The following ZFHX4 variants were observed in gnomAD, a reference collection of about 807,000 sequenced individuals.
ZFHX4 encodes the protein zinc finger homeobox 4, also known as zinc finger homeobox protein 4.
Under a neutral mutation model 267.6 loss-of-function variants are expected in ZFHX4, and 56 were observed. That is an observed-to-expected ratio of 0.21 (90% CI 0.17 to 0.26). ZFHX4 has a LOEUF of 0.26. ZFHX4 is among the 10% of genes least tolerant of loss of function. ZFHX4 has a pLI of 1.00. For missense variants in ZFHX4, 4,332 were observed against 4,420.0 expected (o/e 0.98, Z 0.56); for synonymous variants, 1,778 against 1,665.6 (o/e 1.07, Z -1.64).
rs1425622545 is a variant in ZFHX4, at chr8:76,852,792, T to A, written c.5871T>A (p.Asn1957Lys). The A allele has an allele frequency of 6.2e-7, 1 of 1,613,544 alleles. No individual in the cohort carries two copies. ...ECGTCGKLFS[N>K]VLILKSHQEH... Reference sequence around the variant, plus strand: ...GAACATGTGGTAAATTGTTTTCCAATGTTCTTATTTTAAAGAGTCACCAAG... The same window carrying A: ...GAACATGTGGTAAATTGTTTTCCAAAGTTCTTATTTTAAAGAGTCACCAAG... The change falls in exon 10 of 11, where the codon AAT (asparagine) becomes AAA (lysine). Residue 1957 changes from asparagine to lysine, a missense_variant. Around this residue, in one of 7 missense-constraint regions of ZFHX4, gnomAD observed 1,371 missense variants for 1,423.1 expected, o/e 0.96. Transcript: ENST00000651372.
chr8:76,830,454 G>A (rs539184347), intron 4 of ZFHX4, among the ~76,000 whole-genome samples: 1 of 152,256 alleles, frequency 6.6e-6, no homozygotes, highest in South Asian at 2.1e-4. Flanking sequence ...TGTTATTACA[G>A]ACCAGTTATT....
chr8:76,688,795 C>A (rs1016597508), intron 1 of ZFHX4, among the ~76,000 whole-genome samples: 2 of 152,044 alleles, frequency 1.3e-5, no homozygotes, highest in Non-Finnish European at 2.9e-5. Flanking sequence ...CACAAATGAT[C>A]CACCGATGGC....
chr8:76,856,753 C>T (rs185341002), intron 10 of ZFHX4, among the ~76,000 whole-genome samples: 43 of 152,202 alleles, frequency 2.8e-4, no homozygotes, highest in Non-Finnish European at 5.0e-4. Context: ...TCCCCCCCGC[C>T]GCCACCCTGT....
chr8:76,755,379 G>A (rs1247648745), intron 3 of ZFHX4, among the ~76,000 whole-genome samples: 2 of 152,056 alleles, frequency 1.3e-5, no homozygotes, highest in South Asian at 2.1e-4. Context: ...AGATCTAAAT[G>A]TTAGGAAATA....
intron 1 of ZFHX4, among the ~76,000 whole-genome samples, chr8:76,690,209 T>C (rs566079836): frequency 6.6e-6 from 1 of 152,194 alleles, no homozygotes; most frequent in African/African-American, 2.4e-5. Flanking sequence ...TGCAAATATT[T>C]ACTCAGGTCT....
intron 5 of ZFHX4, among the ~76,000 whole-genome samples, chr8:76,842,323 TTACAAGGTTC>T: frequency 6.6e-6 from 1 of 152,322 alleles, no homozygotes; most frequent in East Asian, 1.9e-4. Context: ...GTTTATGTTG[TTACAAGGTTC>T]TACTATTCGA....
intron 10 of ZFHX4, among the ~76,000 whole-genome samples, chr8:76,857,114 G>T (rs1031473464): frequency 7.9e-5 from 12 of 152,040 alleles, no homozygotes; most frequent in Non-Finnish European, 1.5e-4. Flanking sequence ...TATGCAGTTT[G>T]CACAGTTTAG....
At position 76,791,895 on chromosome 8, in the gene ZFHX4, A is replaced by T. The variant is rs752782989; in HGVS notation, c.3325+13456A>T. 2.4e-4 allele frequency among the ~76,000 whole-genome samples: 36 copies of T among 152,196 alleles called. 1 individual carries two copies. The highest frequency in any genetic ancestry group is 4.0e-4 in the Non-Finnish European group (27 of 68,018). Reference sequence around the variant, plus strand: ...TTCTACACAAAACCTTACACCACTCAATGTATAGATATTACTCATGAATAT... The same window carrying T: ...TTCTACACAAAACCTTACACCACTCTATGTATAGATATTACTCATGAATAT... On this transcript the variant is annotated intron_variant, in intron 4 of 10. Transcript: ENST00000651372.
At position 76,863,843 on chromosome 8, in the gene ZFHX4, A is replaced by C. The variant is rs1339866268; in HGVS notation, c.10129A>C (p.Thr3377Pro). 1.3e-6 allele frequency: 2 copies of C among 1,554,256 alleles called. No individual in the cohort carries two copies. The highest frequency in any genetic ancestry group is 8.7e-7 in the Non-Finnish European group (1 of 1,148,274). The stretch of plus-strand genomic sequence containing the variant: ...AGACAAAAGTACTGCTACAGAAAGC[A>C]CAAAAGAAGAACCCCAGTTAGAATC... ...KEDKSTATESTKEEPQLESKS... is the reference protein window; with the variant it reads ...KEDKSTATESPKEEPQLESKS... The change falls in exon 11 of 11, where the codon ACA becomes CCA. Residue 3377 changes from threonine to proline, a missense_variant. This residue lies in a region of ZFHX4 where 1,648 missense variants were observed against 1,625.0 expected (regional missense o/e 1.01). Transcript: ENST00000651372.
intron 3 of ZFHX4, among the ~76,000 whole-genome samples, chr8:76,761,323 C>T: frequency 6.6e-6 from 1 of 152,206 alleles, no homozygotes; most frequent in Non-Finnish European, 1.5e-5. Context: ...GTAGCCTCCT[C>T]ATGAAATGTG....
At chr8:76,757,940 T>C (rs536790105) in intron 3 of ZFHX4, among the ~76,000 whole-genome samples, 1 of 152,250 alleles carries the variant, frequency 6.6e-6, no homozygotes, top group South Asian at 2.1e-4. Flanking sequence ...AGAGGTCAGG[T>C]CCTTTTAGAT....
At chr8:76,734,686 A>G (rs1050716944) in intron 3 of ZFHX4, among the ~76,000 whole-genome samples, 2 of 152,138 alleles carry the variant, frequency 1.3e-5, no homozygotes, top group African/African-American at 2.4e-5. Context: ...TTTTACATCT[A>G]CATAAAATAA....
chr8:76,816,590 C>CTTTT (rs950143569), intron 4 of ZFHX4, among the ~76,000 whole-genome samples: 35 of 113,016 alleles, frequency 3.1e-4, no homozygotes, highest in African/African-American at 8.0e-4. Context: ...ATTTAAATGT[C>CTTTT]TTTTTTTTTT....
chr8:76,773,332 T>G (rs189601600), intron 3 of ZFHX4, among the ~76,000 whole-genome samples: 40 of 152,198 alleles, frequency 2.6e-4, no homozygotes, highest in Non-Finnish European at 5.1e-4. Context: ...ATCCATAGAG[T>G]TATTGGAGGA....
chr8:76,778,691 C>G (rs1810469229), intron 4 of ZFHX4, among the ~76,000 whole-genome samples: 1 of 152,184 alleles, frequency 6.6e-6, no homozygotes, highest in South Asian at 2.1e-4. Context: ...GGTTATGAAA[C>G]TCTACCTTGG....
chr8:76,760,406 C>T (rs1338056562), intron 3 of ZFHX4, among the ~76,000 whole-genome samples: 2 of 152,116 alleles, frequency 1.3e-5, no homozygotes, highest in African/African-American at 4.8e-5. Context: ...ACTGAAGATA[C>T]AGGGTCGAAC....
chr8:76,691,820 T>C (rs895764505), intron 1 of ZFHX4, among the ~76,000 whole-genome samples: 1 of 152,140 alleles, frequency 6.6e-6, no homozygotes, highest in Non-Finnish European at 1.5e-5. Context: ...CTGATCCGTA[T>C]GTTCCTTTTT....
chr8:76,798,550 A>T (rs1267038558), intron 4 of ZFHX4, among the ~76,000 whole-genome samples: 2 of 152,218 alleles, frequency 1.3e-5, no homozygotes, highest in Non-Finnish European at 2.9e-5. Flanking sequence ...AGCACTGCAT[A>T]AAATAAGAAT....
intron 1 of ZFHX4, among the ~76,000 whole-genome samples, chr8:76,686,689 G>A (rs2131577134): frequency 6.6e-6 from 1 of 152,228 alleles, no homozygotes; most frequent in East Asian, 1.9e-4. Flanking sequence ...ATGTCAATGA[G>A]AACAAATTCT....
Sources: gnomAD v4.1 joint callset for allele counts (sites outside exome capture counted in the v4.1 genomes callset) on GRCh38, gnomAD v4.1.1 for gene constraint, gnomAD v4.1.1 regional missense constraint, MANE v1.5 for transcripts, NCBI Gene and HGNC (gene_info 2026-07-23, HGNC 2026-07-21) for gene names.